PIKFYVE: variants seen among roughly 807,000 people sequenced by gnomAD.
PIKFYVE encodes the protein 1-phosphatidylinositol 3-phosphate 5-kinase.
PIKFYVE carries 122 observed loss-of-function variants against 257.9 expected under a neutral mutation model. The observed-to-expected ratio is 0.47, with a 90% CI of 0.41 to 0.55. The LOEUF is 0.55. PIKFYVE is among the 20% of genes least tolerant of loss of function. The probability of loss-of-function intolerance (pLI) is 0.00; values close to 1 mark genes in which losing one functional copy is unlikely to be tolerated. For synonymous variants in PIKFYVE, 892 were observed against 868.9 expected, an observed-to-expected ratio of 1.03 and a Z score of -0.47; for missense variants, 2,160 against 2,536.6, an observed-to-expected ratio of 0.85 and a Z score of 3.19.
intron 7 of PIKFYVE, among the ~76,000 whole-genome samples, chr2:208,291,068 C>T (rs554978653): frequency 5.9e-5 from 9 of 152,194 alleles, no homozygotes; most frequent in African/African-American, 2.2e-4. Context: ...ACATCCTTTC[C>T]TTGTTCCTGA....
chr2:208,320,134 A>T, intron 16 of PIKFYVE, 118 bp from the exon 17 acceptor site: 1 of 1,358,302 alleles, frequency 7.4e-7, no homozygotes, highest in Admixed American at 2.8e-5. Context: ...ATTAATACTA[A>T]TATGAGATAC....
At chr2:208,326,825 A>T (rs553984166) in intron 20 of PIKFYVE, among the ~76,000 whole-genome samples, 78 of 152,326 alleles carry the variant, frequency 5.1e-4, no homozygotes, top group Middle Eastern at 3.4e-3. Flanking sequence ...GTTAGCAGCA[A>T]ATATATTTGT....
chr2:208,277,458 A>G, intron 4 of PIKFYVE, 79 bp from the exon 5 acceptor site: 1 of 1,495,486 alleles, frequency 6.7e-7, no homozygotes, highest in Non-Finnish European at 9.3e-7. Context: ...TGCAAAAGAA[A>G]CCTTTGAGGA....
At chr2:208,304,732 C>T in intron 11 of PIKFYVE, 114 bp from the exon 12 acceptor site, 2 of 986,812 alleles carry the variant, frequency 2.0e-6, no homozygotes, top group Non-Finnish European at 3.2e-6. Flanking sequence ...TGGTATTGCA[C>T]ATTGGGCTTG....
rs781542487 is a variant in PIKFYVE at position 208,312,232 on chromosome 2, G to T, written c.1637-4G>T. The T allele has an allele frequency of 6.2e-6, 10 of 1,607,800 alleles. No individual in the cohort carries two copies. The South Asian group carries it at 9.9e-5, about 16-fold the overall frequency. ...CTCCTCTCTGTTGTCTCCCTGGTAT[G>T]CAGAGTATTTGATTTCTGACACTGG... On this transcript the variant is annotated splice_polypyrimidine_tract_variant and splice_region_variant and intron_variant, in intron 12 of 41. Coordinates refer to ENST00000264380, the MANE Select transcript of PIKFYVE (RefSeq NM_015040.4).
chr2:208,291,924 C>A (rs80336306), intron 7 of PIKFYVE, among the ~76,000 whole-genome samples: 3 of 152,030 alleles, frequency 2.0e-5, no homozygotes, highest in East Asian at 3.9e-4. Context: ...TAAATGTATG[C>A]GCTTCGTGCT....
At chr2:208,304,389 T>C (rs1694074469) in intron 11 of PIKFYVE, 71 bp downstream of exon 11, 28 of 1,548,058 alleles carry the variant, frequency 1.8e-5, no homozygotes, top group Non-Finnish European at 2.5e-5. Context: ...ATGATTATCT[T>C]GTTTGTTGAA....
chr2:208,305,453 A>T, intron 12 of PIKFYVE: 2 of 977,620 alleles, frequency 2.0e-6, no homozygotes, highest in Non-Finnish European at 2.5e-6. Context: ...GATTGGGGGA[A>T]AATCATTCAC....
rs565041033 is a variant in PIKFYVE, at chr2:208,299,250, T to G, written c.1050+471T>G. Among the ~76,000 whole-genome samples, 4 of 152,300 alleles carry G rather than the reference T, an allele frequency of 2.6e-5. No homozygotes were observed. In the South Asian group the frequency reaches 8.3e-4, roughly 32 times the overall value. On this transcript the variant is annotated intron_variant, in intron 8 of 41. Transcript: ENST00000264380. ...CACCTGAGAGATGGGTCAAGTATTC[T>G]ATACTCATTGCATTAATATTTTCTT...
In PIKFYVE at chr2:208,310,071, C is replaced by T. The variant is rs1023496748; in HGVS notation, c.1637-2165C>T. Among the ~76,000 whole-genome samples, 10 of 152,172 alleles carry T rather than the reference C, an allele frequency of 6.6e-5. No homozygotes were observed. In the East Asian group the frequency reaches 1.4e-3, roughly 21 times the overall value. On this transcript the variant is annotated intron_variant, in intron 12 of 41. Coordinates refer to ENST00000264380, the MANE Select transcript of PIKFYVE (RefSeq NM_015040.4). Reference sequence around the variant, plus strand: ...TCTCTCTTAGTTTTTAACATACTAACGAGTTATTCTTTTTACATTTTTTCT... The same window carrying T: ...TCTCTCTTAGTTTTTAACATACTAATGAGTTATTCTTTTTACATTTTTTCT...
At position 208,339,994 on chromosome 2, in the gene PIKFYVE, A is replaced by G. The variant is rs1698549099; in HGVS notation, c.4811-17A>G. The G allele has an allele frequency of 6.2e-7, 1 of 1,610,754 alleles. No individual in the cohort carries two copies. The highest frequency in any genetic ancestry group is 8.5e-7 in the Non-Finnish European group (1 of 1,176,940). On this transcript the variant is annotated splice_polypyrimidine_tract_variant and intron_variant, in intron 30 of 41. Coordinates refer to ENST00000264380, the MANE Select transcript of PIKFYVE (RefSeq NM_015040.4). ...TCTGTGAATATTAATATATAAGTAGACTATTTTTCATTTTAGATGTGTTTG... is the reference window on the plus strand; with the variant it reads ...TCTGTGAATATTAATATATAAGTAGGCTATTTTTCATTTTAGATGTGTTTG...
chr2:208,269,650 G>T (rs1473283115), intron 1 of PIKFYVE: 1 of 261,410 alleles, frequency 3.8e-6, no homozygotes, highest in Non-Finnish European at 7.9e-6. Flanking sequence ...CATCACCTTG[G>T]CACTGGTGAG....
At chr2:208,351,068 CAG>C (rs1340610534) in intron 37 of PIKFYVE, 121 bp downstream of exon 37, 22 of 1,312,694 alleles carry the variant, frequency 1.7e-5, no homozygotes, top group Non-Finnish European at 2.3e-5. Context: ...CTAGTTTTAA[CAG>C]AGGTGTTTAT....
rs1694192309 is a variant in PIKFYVE at position 208,305,331 on chromosome 2, A to G, written c.1636+318A>G. ...GCATTTCTTTGCATTTATAACATGG[A>G]TGTTCTGCTCTATTCTTTTCTCTTT... is the stretch of plus-strand genomic sequence containing the variant. On this transcript the variant is annotated intron_variant, in intron 12 of 41. Coordinates refer to ENST00000264380, the MANE Select transcript of PIKFYVE (RefSeq NM_015040.4). 5 of 1,227,258 alleles carry G rather than the reference A, an allele frequency of 4.1e-6. 1 individual carries two copies. In the Admixed American group the frequency reaches 1.1e-4, roughly 26 times the overall value. The allele number at this position is 1,227,258 out of a possible 1,614,324, so 76.0% of individuals were successfully genotyped here. A position where few individuals can be genotyped will look rare whatever the true frequency, so the allele number is the denominator to read the frequency against.
chr2:208,317,409 G>A (rs1206700264), intron 15 of PIKFYVE, among the ~76,000 whole-genome samples: 3 of 134,828 alleles, frequency 2.2e-5, no homozygotes, highest in East Asian at 4.4e-4. Flanking sequence ...TCAGAGAAAT[G>A]CAAATCAAAA....
chr2:208,334,488 G>T, intron 24 of PIKFYVE: 1 of 153,134 alleles, frequency 6.5e-6, no homozygotes, highest in Non-Finnish European at 1.5e-5. Flanking sequence ...TCCTGACTGG[G>T]CCTCAGGTAT....
At chr2:208,343,403 T>C (rs1263177937) in intron 32 of PIKFYVE, among the ~76,000 whole-genome samples, 1 of 152,168 alleles carries the variant, frequency 6.6e-6, no homozygotes, top group Non-Finnish European at 1.5e-5. Flanking sequence ...CTCTTACCCA[T>C]TGAGGATATG....
At chr2:208,338,099 T>G (rs1478250216) in intron 28 of PIKFYVE, among the ~76,000 whole-genome samples, 1 of 152,178 alleles carries the variant, frequency 6.6e-6, no homozygotes, top group Non-Finnish European at 1.5e-5. Context: ...TAATGGTGTA[T>G]CTCAACAGAT....
intron 12 of PIKFYVE, among the ~76,000 whole-genome samples, chr2:208,306,164 T>C (rs573599489): frequency 2.0e-5 from 3 of 152,350 alleles, no homozygotes; most frequent in Non-Finnish European, 4.4e-5. Flanking sequence ...GAATATGTTA[T>C]TTAAAAATAA....
Sources: gnomAD v4.1 joint callset for allele counts (sites outside exome capture counted in the v4.1 genomes callset) on GRCh38, gnomAD v4.1.1 for gene constraint, MANE v1.5 for transcripts, NCBI Gene and HGNC (gene_info 2026-07-23, HGNC 2026-07-21) for gene names.